WIPI2: variants seen among roughly 807,000 people sequenced by gnomAD.
WIPI2 encodes WD repeat domain, phosphoinositide interacting 2.
WIPI2 carries 28 observed loss-of-function variants against 52.3 expected under a neutral mutation model. The ratio of observed to expected loss-of-function variants is 0.54; its 90% CI spans 0.40 to 0.73. WIPI2 has a LOEUF of 0.73. WIPI2 is among the 30% of genes least tolerant of loss of function. The pLI is 0.00. For synonymous variants in WIPI2, 268 were observed against 245.0 expected (o/e 1.09, Z -0.88); for missense variants, 506 against 602.9 (o/e 0.84, Z 1.68).
At chr7:5,198,010 T>C (rs1463763069) in intron 2 of WIPI2, among the ~76,000 whole-genome samples, 1 of 152,244 alleles carries the variant, frequency 6.6e-6, no homozygotes, top group Non-Finnish European at 1.5e-5. Flanking sequence ...AGGCCCCTGC[T>C]GGGAGGGGCT....
At chr7:5,198,948 C>G (rs953003596) in intron 2 of WIPI2, among the ~76,000 whole-genome samples, 15 of 152,180 alleles carry the variant, frequency 9.9e-5, no homozygotes, top group African/African-American at 3.6e-4. Flanking sequence ...GCTGTCTCAG[C>G]AAATTTCAAG....
chr7:5,229,740 T>A lies in WIPI2; in HGVS notation c.1252+2T>A. The A allele has an allele frequency of 6.2e-7, 1 of 1,613,618 alleles. No homozygotes were observed. Among genetic ancestry groups the A allele is most frequent in the Non-Finnish European group, 8.5e-7 (1 of 1,179,748 alleles). On this transcript the variant is annotated splice_donor_variant, in intron 12 of 12. Coordinates refer to ENST00000288828, the MANE Select transcript of WIPI2 (RefSeq NM_015610.4). LOFTEE classifies it high-confidence loss of function. ...TGCCTTCATCCCCAACGAGACTTGG[T>A]AAGGGGCGTGACGCAAACCTGGAAG...
At chr7:5,221,731 C>G (rs1416569609) in intron 7 of WIPI2, among the ~76,000 whole-genome samples, 1 of 152,148 alleles carries the variant, frequency 6.6e-6, no homozygotes, top group African/African-American at 2.4e-5. Flanking sequence ...GCCGAGCTCC[C>G]TTGTATTCCT....
Position 5,227,041 on chromosome 7 carries a change from T to C in WIPI2, c.849-139T>C. ...CCCTGGGGCCCTGAGTGTCTGCTTA[T>C]AACCAACCCTGTTTAATTTTCCTGT... On this transcript the variant is annotated intron_variant, in intron 9 of 12. Coordinates refer to ENST00000288828, the MANE Select transcript of WIPI2 (RefSeq NM_015610.4). The surrounding 1 kb of genome is among the most constrained non-coding windows in gnomAD (Gnocchi z 8.1). The C allele has an allele frequency of 1.6e-6, 2 of 1,247,320 alleles. No individual in the cohort carries two copies. The highest frequency in any genetic ancestry group is 2.2e-6 in the Non-Finnish European group (2 of 898,618). 77.3% of individuals were successfully genotyped at this position (1,247,320 alleles called of 1,614,324 possible). A position where few individuals can be genotyped will look rare whatever the true frequency, so the allele number is the denominator to read the frequency against.
At chr7:5,211,880 C>T (rs1044314840) in intron 3 of WIPI2, among the ~76,000 whole-genome samples, 1 of 152,122 alleles carries the variant, frequency 6.6e-6, no homozygotes, top group Non-Finnish European at 1.5e-5. Context: ...GCCGTGGCAC[C>T]CAGTACTCAC....
intron 2 of WIPI2, among the ~76,000 whole-genome samples, chr7:5,197,576 T>A (rs1018970962): frequency 2.0e-5 from 3 of 152,226 alleles, no homozygotes; most frequent in African/African-American, 7.2e-5. Context: ...TAGAGTTTTG[T>A]TTCTGTTCTT....
At chr7:5,225,984 C>T (rs1489404060) in intron 9 of WIPI2, 54 bp downstream of exon 9, 1 of 1,529,846 alleles carries the variant, frequency 6.5e-7, no homozygotes, top group African/African-American at 1.4e-5. Context: ...TTTGTCCCCA[C>T]TTGCTGCCGG....
At chr7:5,214,982 A>G (rs139707635) in intron 4 of WIPI2, among the ~76,000 whole-genome samples, 2 of 152,150 alleles carry the variant, frequency 1.3e-5, no homozygotes, top group African/African-American at 4.8e-5. Flanking sequence ...TCTTTCACCT[A>G]TTACCTGGTT....
chr7:5,198,372 G>GGT, intron 2 of WIPI2, among the ~76,000 whole-genome samples: 1 of 150,988 alleles, frequency 6.6e-6, no homozygotes, highest in East Asian at 1.9e-4. Context: ...GGAGTGCAGT[G>GGT]GCGCAATCTC....
At chr7:5,224,962 C>T (rs1295549661) in intron 8 of WIPI2, among the ~76,000 whole-genome samples, 1 of 152,140 alleles carries the variant, frequency 6.6e-6, no homozygotes, top group Non-Finnish European at 1.5e-5. Context: ...ATTCCTAATT[C>T]ATACACATGG....
At chr7:5,203,589 C>T (rs1583551764) in intron 3 of WIPI2, among the ~76,000 whole-genome samples, 1 of 150,148 alleles carries the variant, frequency 6.7e-6, no homozygotes, top group Admixed American at 6.6e-5. Context: ...CCTCATTCCT[C>T]CAGTGGGATG....
At chr7:5,197,257 T>C (rs1313555005) in intron 2 of WIPI2, among the ~76,000 whole-genome samples, 2 of 151,682 alleles carry the variant, frequency 1.3e-5, no homozygotes, top group Non-Finnish European at 1.5e-5. Flanking sequence ...CAGGAAGGTA[T>C]ACAATTTAAG....
chr7:5,221,628 C>T lies in WIPI2; in HGVS notation c.670-974C>T, dbSNP rs188570371. Reference sequence around the variant, plus strand: ...CTTGGCGCTTCTCTGTTTATTCCCCCAGATGTTCATGTCTGTCTCATCATC... The same window carrying T: ...CTTGGCGCTTCTCTGTTTATTCCCCTAGATGTTCATGTCTGTCTCATCATC... On this transcript the variant is annotated intron_variant, in intron 7 of 12. Coordinates refer to ENST00000288828, the MANE Select transcript of WIPI2 (RefSeq NM_015610.4). Among the ~76,000 whole-genome samples, 885 of 152,304 alleles carry T rather than the reference C, an allele frequency of 5.8e-3. 4 individuals carry two copies. The highest frequency in any genetic ancestry group is 9.0e-3 in the Non-Finnish European group (610 of 68,034).
intron 7 of WIPI2, chr7:5,218,268 T>A (rs1243663796): frequency 2.3e-6 from 1 of 426,440 alleles, no homozygotes; most frequent in Non-Finnish European, 4.3e-6. Flanking sequence ...GAGACAGAAG[T>A]GCCGTGTGTA....
In WIPI2 at chr7:5,218,012, A is replaced by G. The variant is rs1782910934; in HGVS notation, c.667A>G (p.Lys223Glu). 3 of 1,614,106 alleles carry G rather than the reference A, an allele frequency of 1.9e-6. No homozygotes were observed. The highest frequency in any genetic ancestry group is 1.7e-6 in the Non-Finnish European group (2 of 1,179,990). The part of the protein sequence containing the change: ...SGTKLATASE[K>E]GTVIRVFSIP... The stretch of plus-strand genomic sequence containing the variant: ...AACTAAACTTGCCACGGCTTCGGAG[A>G]AGGTGAGTCTGCTTTTCCCCGGGGG... Residue 223 changes from lysine to glutamate, a missense_variant and splice_region_variant, in exon 7 of 13, where the codon AAG (lysine) becomes GAG (glutamate). This residue lies in a region of WIPI2 where 237 missense variants were observed against 346.9 expected (regional missense o/e 0.68). Coordinates refer to ENST00000288828, the MANE Select transcript of WIPI2 (RefSeq NM_015610.4).
chr7:5,217,988 A>G lies in WIPI2; in HGVS notation c.643A>G (p.Thr215Ala), dbSNP rs1402073246. The G allele has an allele frequency of 1.9e-6, 3 of 1,614,240 alleles. No homozygotes were observed. The highest frequency in any genetic ancestry group is 2.5e-6 in the Non-Finnish European group (3 of 1,180,030). ...LAALAFDASG[T>A]KLATASEKGT... is the part of the protein sequence containing the mutation. Reference sequence around the variant, plus strand: ...GGCACTGGCCTTTGACGCAAGTGGAACTAAACTTGCCACGGCTTCGGAGAA... The same window carrying G: ...GGCACTGGCCTTTGACGCAAGTGGAGCTAAACTTGCCACGGCTTCGGAGAA... Residue 215 changes from threonine to alanine, a missense_variant, in exon 7 of 13, where the codon ACT becomes GCT. Thr to Ala is a moderately conservative substitution (Grantham distance 58). Transcript: ENST00000288828.
chr7:5,205,705 A>G (rs1159514111), intron 3 of WIPI2, among the ~76,000 whole-genome samples: 2 of 151,928 alleles, frequency 1.3e-5, no homozygotes, highest in Non-Finnish European at 2.9e-5. Context: ...ATGGGGTTTC[A>G]CCATATTGGG....
intron 3 of WIPI2, among the ~76,000 whole-genome samples, chr7:5,202,598 C>G (rs1782082149): frequency 6.6e-6 from 1 of 151,856 alleles, no homozygotes; most frequent in Admixed American, 6.6e-5. Context: ...GTTGCCCAGG[C>G]TGGTCTTGAA....
chr7:5,205,911 G>A (rs1393585488), intron 3 of WIPI2, among the ~76,000 whole-genome samples: 1 of 141,592 alleles, frequency 7.1e-6, no homozygotes, highest in East Asian at 2.1e-4. Flanking sequence ...ACCTGTTTCT[G>A]CCGTTTGCCT....
Sources: allele counts gnomAD v4.1 joint callset (sites outside exome capture counted in the v4.1 genomes callset), GRCh38; gene constraint gnomAD v4.1.1; regional missense constraint gnomAD v4.1.1; non-coding constraint Gnocchi (gnomAD v3.1); transcripts MANE v1.5; gene names NCBI Gene and HGNC (gene_info 2026-07-23, HGNC 2026-07-21).